CACNA1B: variants seen among roughly 807,000 people sequenced by gnomAD.
CACNA1B encodes the protein calcium voltage-gated channel subunit alpha1 B.
In CACNA1B, 70 loss-of-function variants were observed where a neutral mutation model predicts 247.2. That is an observed-to-expected ratio of 0.28 (90% CI 0.23 to 0.35). The LOEUF (loss-of-function observed/expected upper bound fraction) is 0.35, where lower values mean the gene tolerates loss of function less well. Among genes scored for constraint, CACNA1B ranks in the 10% least tolerant of loss-of-function variants. The probability of loss-of-function intolerance (pLI) is 1.00; values close to 1 mark genes in which losing one functional copy is unlikely to be tolerated. For missense variants in CACNA1B, 2,367 were observed against 3,197.4 expected (o/e 0.74, Z 6.26); for synonymous variants, 1,231 against 1,294.4 (o/e 0.95, Z 1.05).
chr9:137,956,789 A>T lies in CACNA1B; in HGVS notation c.1205A>T (p.Glu402Val), dbSNP rs1422659535. Reference protein sequence around the residue: ...IFKAEEVMLAEEDRNAEEKSP... With the variant: ...IFKAEEVMLAVEDRNAEEKSP... ...CTCGCAGAGGAAGTCATGCTGGCCG[A>T]GGAGGACAGGAATGCAGAGGAGAAG... Residue 402 changes from glutamate to valine, a missense_variant, in exon 9 of 47, where the codon GAG (glutamate) becomes GTG (valine). Physicochemically the swap from Glu to Val is moderately radical, Grantham distance 121 (BLOSUM62 -2). Around this residue, in one of 12 missense-constraint regions of CACNA1B, gnomAD observed 219 missense variants for 297.6 expected, o/e 0.74. Transcript: ENST00000371372. 1 of 1,613,740 alleles carries T rather than the reference A, an allele frequency of 6.2e-7. No homozygotes were observed. Among genetic ancestry groups the T allele is most frequent in the Admixed American group, 1.7e-5 (1 of 60,004 alleles).
rs918788953 is a variant in CACNA1B, at chr9:137,986,381, A to G, written c.1770-32A>G. On this transcript the variant is annotated intron_variant, in intron 13 of 46. Coordinates refer to ENST00000371372, the MANE Select transcript of CACNA1B (RefSeq NM_000718.4). This position sits in a 1 kb window ranked among gnomAD's most constrained non-coding sequence, Gnocchi z 6.0. ...CCATGAATGTGAAGTCAGCGTCTGG[A>G]GCTGGCTCAGACCCCCTGCCTGGCC... 6.2e-7 allele frequency: 1 copy of G among 1,611,650 alleles called. No homozygotes were observed. The highest frequency in any genetic ancestry group is 2.2e-5 in the East Asian group (1 of 44,798).
At chr9:138,066,856 G>T (rs994469831) in intron 31 of CACNA1B, among the ~76,000 whole-genome samples, 16 of 152,028 alleles carry the variant, frequency 1.1e-4, no homozygotes, top group Admixed American at 1.0e-3. Flanking sequence ...AACAGAATAA[G>T]CTCAATAAAG....
intron 20 of CACNA1B, among the ~76,000 whole-genome samples, chr9:138,042,260 G>A (rs759760725): frequency 1.3e-5 from 2 of 152,166 alleles, no homozygotes; most frequent in Admixed American, 6.6e-5. Flanking sequence ...GACCAGCCTG[G>A]CCAACATGGT....
At chr9:137,892,092 TCCCTCCCCGAGAAGTTTC>T (rs1564876693) in intron 3 of CACNA1B, 2 of 456,994 alleles carry the variant, frequency 4.4e-6, no homozygotes, top group African/African-American at 2.0e-5. Context: ...TTTGCCCTCC[TCCCTCCCCGAGAAGTTTC>T]CCTGCTGGCT....
chr9:138,065,932 C>A (rs1324023324), intron 31 of CACNA1B, among the ~76,000 whole-genome samples: 1 of 152,162 alleles, frequency 6.6e-6, no homozygotes, highest in East Asian at 1.9e-4. Flanking sequence ...ACCTCACTTA[C>A]CACCCACCAA....
chr9:137,901,272 C>G (rs1420959646), intron 3 of CACNA1B, among the ~76,000 whole-genome samples: 1 of 150,076 alleles, frequency 6.7e-6, no homozygotes, highest in African/African-American at 2.5e-5. Context: ...GTCTGTGTCT[C>G]TGTGTCTGTG....
In CACNA1B at chr9:137,990,343, C is replaced by T. The variant is rs544088788; in HGVS notation, c.1974+3489C>T. Reference sequence around the variant, plus strand: ...CTGAGCTCAGACACCCTATTCCTGCCCCCACCTGGTGGTCTTTCTCTACCC... The same window carrying T: ...CTGAGCTCAGACACCCTATTCCTGCTCCCACCTGGTGGTCTTTCTCTACCC... On this transcript the variant is annotated intron_variant, in intron 15 of 46. Coordinates refer to ENST00000371372, the MANE Select transcript of CACNA1B (RefSeq NM_000718.4). The surrounding 1 kb of genome is among the most constrained non-coding windows in gnomAD (Gnocchi z 4.5). 1.3e-5 allele frequency among the ~76,000 whole-genome samples: 2 copies of T among 152,172 alleles called. No individual in the cohort carries two copies. The highest frequency in any genetic ancestry group is 4.2e-4 in the South Asian group (2 of 4,810).
intron 15 of CACNA1B, among the ~76,000 whole-genome samples, chr9:137,989,113 T>A (rs1589051498): frequency 6.6e-6 from 1 of 151,776 alleles, no homozygotes; most frequent in South Asian, 2.1e-4. Flanking sequence ...GAAAAGGAAA[T>A]AACAGAACAA....
chr9:138,013,318 TC>T, intron 18 of CACNA1B, 83 bp downstream of exon 18: 1 of 982,008 alleles, frequency 1.0e-6, no homozygotes, highest in Non-Finnish European at 1.5e-6. Flanking sequence ...GGGCACCCCT[TC>T]CAGAGGCTTC....
At chr9:138,082,656 TGATTTAACAAAATGTATA>T (rs1337851399) in intron 36 of CACNA1B, among the ~76,000 whole-genome samples, 1 of 151,216 alleles carries the variant, frequency 6.6e-6, no homozygotes, top group East Asian at 2.0e-4. Context: ...AGGCTAAACT[TGATTTAACAAAATGTATA>T]AAGAACTTCT....
chr9:137,903,912 G>A (rs1957268242), intron 3 of CACNA1B, among the ~76,000 whole-genome samples: 1 of 152,186 alleles, frequency 6.6e-6, no homozygotes, highest in Admixed American at 6.5e-5. Flanking sequence ...GGCTTCTGGT[G>A]TTTGTCCATC....
Position 138,121,132 on chromosome 9 carries a change from A to C in CACNA1B, c.6489+251A>C, listed in dbSNP as rs1178489826. Among the ~76,000 whole-genome samples the C allele has an allele frequency of 1.3e-5, 2 of 151,760 alleles. No homozygotes were observed. Among genetic ancestry groups the C allele is most frequent in the Admixed American group, 6.6e-5 (1 of 15,244 alleles). ...GGTTCTGCGTCCTATCCACTTTCGGACCTGGGCCCCCAAATACTTACCTCT... is the reference window on the plus strand; with the variant it reads ...GGTTCTGCGTCCTATCCACTTTCGGCCCTGGGCCCCCAAATACTTACCTCT... On this transcript the variant is annotated intron_variant, in intron 46 of 46. Transcript: ENST00000371372. The surrounding 1 kb of genome is among the most constrained non-coding windows in gnomAD (Gnocchi z 6.8).
chr9:138,114,460 G>C lies in CACNA1B; in HGVS notation c.5619G>C (p.Gln1873His). Reference protein sequence around the residue: ...FYKQNKTTRDQMQQAPGGLSQ... With the variant: ...FYKQNKTTRDHMQQAPGGLSQ... ...AGCAGAACAAAACCACCAGAGACCA[G>C]ATGCAGCAGGCTCCTGGAGGCCTCT... is the stretch of plus-strand genomic sequence containing the variant. The change falls in exon 41 of 47, where the codon CAG becomes CAC. Residue 1873 changes from glutamine (Q) to histidine (H), a missense_variant. Physicochemically the swap from Gln to His is conservative, Grantham distance 24. This residue lies in a region of CACNA1B where 773 missense variants were observed against 779.4 expected (regional missense o/e 0.99). Coordinates refer to ENST00000371372, the MANE Select transcript of CACNA1B (RefSeq NM_000718.4). 6.3e-7 allele frequency: 1 copy of C among 1,584,860 alleles called. No individual in the cohort carries two copies. Among genetic ancestry groups the C allele is most frequent in the Non-Finnish European group, 8.6e-7 (1 of 1,164,518 alleles).
intron 26 of CACNA1B, among the ~76,000 whole-genome samples, chr9:138,055,057 TCTC>T (rs1404658916): frequency 1.4e-4 from 22 of 152,102 alleles, no homozygotes; most frequent in South Asian, 4.1e-4. Context: ...GCAGACGTCT[TCTC>T]CTCCTCTGAA....
chr9:137,961,606 C>T (rs1958021949), intron 10 of CACNA1B, among the ~76,000 whole-genome samples: 1 of 152,170 alleles, frequency 6.6e-6, no homozygotes, highest in Admixed American at 6.5e-5. Context: ...AAGGTCTTTT[C>T]TGCATCTATT....
intron 37 of CACNA1B, among the ~76,000 whole-genome samples, chr9:138,097,993 A>C (rs753101837): frequency 2.0e-5 from 3 of 152,144 alleles, no homozygotes; most frequent in Non-Finnish European, 4.4e-5. Context: ...CAAGGTCCAG[A>C]GCCACTGGCA....
intron 39 of CACNA1B, among the ~76,000 whole-genome samples, chr9:138,111,786 A>G (rs913966933): frequency 1.2e-4 from 18 of 150,630 alleles, no homozygotes; most frequent in African/African-American, 3.4e-4. Context: ...GTGACACAGC[A>G]GGGCCAGTGT....
intron 3 of CACNA1B, among the ~76,000 whole-genome samples, chr9:137,898,404 C>G (rs1033095026): frequency 6.6e-6 from 1 of 152,106 alleles, no homozygotes; most frequent in Admixed American, 6.6e-5. Context: ...AGTACTTTTT[C>G]AGTCCTGCCT....
At chr9:137,960,883 A>G (rs558928451) in intron 10 of CACNA1B, among the ~76,000 whole-genome samples, 1 of 151,996 alleles carries the variant, frequency 6.6e-6, no homozygotes, top group East Asian at 1.9e-4. Flanking sequence ...TGTTTTGTTT[A>G]CTTTTTAATA....
Sources: gnomAD v4.1 joint callset for allele counts (sites outside exome capture counted in the v4.1 genomes callset) on GRCh38, gnomAD v4.1.1 for gene constraint, gnomAD v4.1.1 regional missense constraint, Gnocchi (gnomAD v3.1) non-coding constraint, MANE v1.5 for transcripts, NCBI Gene and HGNC (gene_info 2026-07-23, HGNC 2026-07-21) for gene names.